The following STXBP5L variants were observed in gnomAD, a reference collection of about 807,000 sequenced individuals.
STXBP5L encodes the protein syntaxin binding protein 5L.
STXBP5L carries 65 observed loss-of-function variants against 144.5 expected under a neutral mutation model. The observed-to-expected ratio is 0.45, with a 90% CI of 0.37 to 0.55. The LOEUF (loss-of-function observed/expected upper bound fraction) is 0.55. Ranked by LOEUF, STXBP5L falls within the 20% of genes least tolerant of loss-of-function variation. STXBP5L has a pLI of 0.00. For synonymous variants in STXBP5L, 505 were observed against 469.6 expected (o/e 1.08, Z -0.97); for missense variants, 1,298 against 1,405.5 (o/e 0.92, Z 1.22).
At chr3:121,053,871 T>A (rs1407882264) in intron 5 of STXBP5L, among the ~76,000 whole-genome samples, 5 of 151,338 alleles carry the variant, frequency 3.3e-5, no homozygotes, top group African/African-American at 9.7e-5. Flanking sequence ...GAATCTACAA[T>A]GAACTCAAAC....
chr3:121,132,128 C>G (rs2045019278), intron 7 of STXBP5L, among the ~76,000 whole-genome samples: 1 of 152,196 alleles, frequency 6.6e-6, no homozygotes, highest in Non-Finnish European at 1.5e-5. Flanking sequence ...CTGAAACAGC[C>G]TAGCTGCCTA....
At chr3:121,360,295 T>G (rs112815948) in intron 20 of STXBP5L, among the ~76,000 whole-genome samples, 20,546 of 151,604 alleles carry the variant, frequency 0.14, 1,846 homozygotes, top group Non-Finnish European at 0.21. Flanking sequence ...TGTGTCTTTA[T>G]AGGTGAAGTG....
chr3:120,986,145 A>C (rs1357196499), intron 3 of STXBP5L, among the ~76,000 whole-genome samples: 1 of 151,696 alleles, frequency 6.6e-6, no homozygotes. Flanking sequence ...TTCTTCTTTG[A>C]TCAATTGGTT....
At chr3:121,393,399 T>A (rs2108713063) in intron 22 of STXBP5L, among the ~76,000 whole-genome samples, 1 of 152,302 alleles carries the variant, frequency 6.6e-6, no homozygotes, top group East Asian at 1.9e-4. Flanking sequence ...CTCTGTTGTT[T>A]ATTTCTTTTT....
At chr3:121,206,519 G>A (rs1380642937) in intron 10 of STXBP5L, among the ~76,000 whole-genome samples, 2 of 152,066 alleles carry the variant, frequency 1.3e-5, no homozygotes, top group Non-Finnish European at 2.9e-5. Context: ...GTTTAAAGTA[G>A]CTATATCCGG....
chr3:121,413,043 T>TA, intron 23 of STXBP5L, 115 bp from the exon 24 acceptor site: 5 of 903,832 alleles, frequency 5.5e-6, no homozygotes, highest in Non-Finnish European at 7.6e-6. Context: ...AATATAAAAA[T>TA]AAAAAAATAA....
At chr3:121,408,403 G>C (rs1422970046) in intron 23 of STXBP5L, among the ~76,000 whole-genome samples, 2 of 151,846 alleles carry the variant, frequency 1.3e-5, no homozygotes, top group East Asian at 3.8e-4. Context: ...AAAATTAGTA[G>C]AACATGGTCC....
At chr3:121,179,750 A>C (rs1239569937) in intron 9 of STXBP5L, among the ~76,000 whole-genome samples, 1 of 152,158 alleles carries the variant, frequency 6.6e-6, no homozygotes, top group Non-Finnish European at 1.5e-5. Context: ...AACAATCACA[A>C]CTTCTGGAAA....
At chr3:121,007,933 A>T (rs1291094623) in intron 3 of STXBP5L, among the ~76,000 whole-genome samples, 1 of 152,108 alleles carries the variant, frequency 6.6e-6, no homozygotes, top group Non-Finnish European at 1.5e-5. Context: ...ACATTAAAAA[A>T]AATTTATAAT....
Position 121,236,635 on chromosome 3 carries a change from A to G in STXBP5L, c.1185-2336A>G, listed in dbSNP as rs114462181. On this transcript the variant is annotated intron_variant, in intron 12 of 26. Coordinates refer to ENST00000471454, the MANE Select transcript of STXBP5L (RefSeq NM_001308330.2). Reference sequence around the variant, plus strand: ...ATTCATGAGGAATCTGCCCCTGTGAAGGGGAAAGACATCCCGATCATAGCA... The same window carrying G: ...ATTCATGAGGAATCTGCCCCTGTGAGGGGGAAAGACATCCCGATCATAGCA... Among the ~76,000 whole-genome samples the G allele has an allele frequency of 8.2e-3, 1,254 of 152,332 alleles. 22 individuals are homozygous for G. Among genetic ancestry groups the G allele is most frequent in the African/African-American group, 0.028 (1,174 of 41,588 alleles).
intron 9 of STXBP5L, among the ~76,000 whole-genome samples, chr3:121,202,798 C>T (rs1342071074): frequency 6.6e-6 from 1 of 151,948 alleles, no homozygotes; most frequent in Non-Finnish European, 1.5e-5. Context: ...CTTTTGTACA[C>T]ACTGCTTTCA....
At chr3:121,094,193 T>C (rs1256309677) in intron 5 of STXBP5L, among the ~76,000 whole-genome samples, 1 of 152,212 alleles carries the variant, frequency 6.6e-6, no homozygotes, top group Non-Finnish European at 1.5e-5. Context: ...TACTTCCAAC[T>C]ATGTGGTCAA....
chr3:121,385,880 T>A (rs2046416650), intron 22 of STXBP5L, among the ~76,000 whole-genome samples: 2 of 152,156 alleles, frequency 1.3e-5, no homozygotes, highest in African/African-American at 4.8e-5. Context: ...TGAAAATAGG[T>A]TAATGTGCTT....
intron 3 of STXBP5L, among the ~76,000 whole-genome samples, chr3:120,984,009 A>T (rs941161773): frequency 6.6e-6 from 1 of 152,058 alleles, no homozygotes; most frequent in Non-Finnish European, 1.5e-5. Context: ...GCTGAGTTTC[A>T]CACGTCAGTT....
At chr3:121,305,520 G>A (rs964271796) in intron 19 of STXBP5L, among the ~76,000 whole-genome samples, 6 of 152,054 alleles carry the variant, frequency 3.9e-5, no homozygotes, top group South Asian at 2.1e-4. Context: ...ATCAATGAAT[G>A]TAAAATACTG....
At chr3:121,184,129 A>G (rs1042459814) in intron 9 of STXBP5L, among the ~76,000 whole-genome samples, 5 of 152,140 alleles carry the variant, frequency 3.3e-5, no homozygotes, top group African/African-American at 1.2e-4. Context: ...AAAAGGCTGA[A>G]AATTCAATAA....
At chr3:120,954,845 C>T in intron 2 of STXBP5L, 95 bp from the exon 3 acceptor site, 1 of 910,428 alleles carries the variant, frequency 1.1e-6, no homozygotes, top group Non-Finnish European at 1.6e-6. Context: ...TTCCTTTAAA[C>T]TAATTTTAGA....
At chr3:121,145,553 A>T (rs1397302996) in intron 7 of STXBP5L, among the ~76,000 whole-genome samples, 2 of 151,980 alleles carry the variant, frequency 1.3e-5, no homozygotes, top group African/African-American at 4.8e-5. Flanking sequence ...CTAAGGAAAA[A>T]CCTAAAAGAC....
At chr3:121,164,892 G>A (rs531745224) in intron 9 of STXBP5L, among the ~76,000 whole-genome samples, 13 of 152,270 alleles carry the variant, frequency 8.5e-5, no homozygotes, top group African/African-American at 3.1e-4. Flanking sequence ...GAGCCTGGGG[G>A]AGAAAACAGG....
Sources: gnomAD v4.1 joint callset for allele counts (sites outside exome capture counted in the v4.1 genomes callset) on GRCh38, gnomAD v4.1.1 for gene constraint, MANE v1.5 for transcripts, NCBI Gene and HGNC (gene_info 2026-07-23, HGNC 2026-07-21) for gene names.